The following TMEM132D variants were observed in gnomAD, a reference collection of about 807,000 sequenced individuals.
TMEM132D encodes the protein transmembrane protein 132D.
Under a neutral mutation model 62.3 loss-of-function variants are expected in TMEM132D, and 21 were observed. The ratio of observed to expected loss-of-function variants is 0.34; its 90% CI spans 0.24 to 0.49. The LOEUF (loss-of-function observed/expected upper bound fraction) is 0.49, where lower values mean the gene tolerates loss of function less well. Ranked by LOEUF, TMEM132D falls within the 20% of genes least tolerant of loss-of-function variation. The pLI, the probability that TMEM132D is intolerant of heterozygous loss-of-function variation, is 0.99. For missense variants in TMEM132D, 1,346 were observed against 1,402.8 expected, an observed-to-expected ratio of 0.96 and a Z score of 0.65; for synonymous variants, 621 against 575.6, an observed-to-expected ratio of 1.08 and a Z score of -1.13.
chr12:129,825,417 G>A lies in TMEM132D; in HGVS notation c.79+77844C>T, dbSNP rs78655858. 6.4e-3 allele frequency among the ~76,000 whole-genome samples: 981 copies of A among 152,208 alleles called. 12 individuals carry two copies. The highest frequency in any genetic ancestry group is 0.022 in the African/African-American group (917 of 41,534). On this transcript the variant is annotated intron_variant, in intron 1 of 8. Transcript: ENST00000422113. The stretch of plus-strand genomic sequence containing the variant: ...GGCAGTGCACTCTGCTGCCTCCACC[G>A]CTGCTATCCCTCATTTACTCATCAA...
intron 1 of TMEM132D, among the ~76,000 whole-genome samples, chr12:129,876,552 A>C (rs1453953839): frequency 6.6e-6 from 1 of 152,220 alleles, no homozygotes; most frequent in Non-Finnish European, 1.5e-5. Context: ...TTGCTTAAAG[A>C]AAAACAAGAG....
chr12:129,605,277 G>A (rs1393625481), intron 2 of TMEM132D, among the ~76,000 whole-genome samples: 1 of 152,024 alleles, frequency 6.6e-6, no homozygotes, highest in African/African-American at 2.4e-5. Context: ...GGGGACATTA[G>A]TTTTACCACG....
chr12:129,617,830 C>A (rs1878962016), intron 2 of TMEM132D, among the ~76,000 whole-genome samples: 1 of 152,146 alleles, frequency 6.6e-6, no homozygotes, highest in Admixed American at 6.5e-5. Context: ...AATCACCTCC[C>A]AGGGGCCCCG....
intron 2 of TMEM132D, among the ~76,000 whole-genome samples, chr12:129,540,282 G>A (rs973462396): frequency 6.6e-6 from 1 of 152,012 alleles, no homozygotes; most frequent in Non-Finnish European, 1.5e-5. Flanking sequence ...AGGGAGAAGG[G>A]GCTGCACACC....
rs761892015 is a variant in TMEM132D at position 129,524,920 on chromosome 12, C to CTTTTTTTTTTTTT, written c.1115+6138_1115+6139insAAAAAAAAAAAAA. The stretch of plus-strand genomic sequence containing the variant: ...CATTTTATTATTTTCATATTTTTTT[C>CTTTTTTTTTTTTT]TTTTTTCTTTTTTTTTTTTTTTTTG... On this transcript the variant is annotated intron_variant, in intron 3 of 8. Transcript: ENST00000422113. 2.6e-4 allele frequency among the ~76,000 whole-genome samples: 24 copies of CTTTTTTTTTTTTT among 92,160 alleles called. 3 individuals carry two copies. The highest frequency in any genetic ancestry group is 7.1e-4 in the African/African-American group (16 of 22,486). 60.5% of individuals were successfully genotyped at this position (92,160 alleles called of 152,430 possible).
At chr12:129,381,892 G>A (rs534317261) in intron 3 of TMEM132D, among the ~76,000 whole-genome samples, 4 of 152,148 alleles carry the variant, frequency 2.6e-5, no homozygotes, top group East Asian at 1.9e-4. Context: ...CCACTTCCTC[G>A]GCTTCTGAAA....
rs1472309869 is a variant in TMEM132D, at chr12:129,903,008, G to A, written c.79+253C>T. Among the ~76,000 whole-genome samples, 17 of 152,152 alleles carry A rather than the reference G, an allele frequency of 1.1e-4. No individual in the cohort carries two copies. The highest frequency in any genetic ancestry group is 2.9e-5 in the Non-Finnish European group (2 of 68,008). On this transcript the variant is annotated intron_variant, in intron 1 of 8. Coordinates refer to ENST00000422113, the MANE Select transcript of TMEM132D (RefSeq NM_133448.3). The surrounding 1 kb of genome is among the most constrained non-coding windows in gnomAD (Gnocchi z 6.2). ...AGGAAACAGCCTTCCTTTCCTTTCG[G>A]CTCCTTAGTAGTCTCACCTAAGGCC...
chr12:129,753,070 C>G (rs952696977), intron 1 of TMEM132D, among the ~76,000 whole-genome samples: 8 of 152,116 alleles, frequency 5.3e-5, no homozygotes, highest in African/African-American at 1.9e-4. Context: ...CTTTCAAGAC[C>G]AAAAGTCATG....
At chr12:129,367,646 G>A (rs1278871649) in intron 3 of TMEM132D, among the ~76,000 whole-genome samples, 1 of 152,178 alleles carries the variant, frequency 6.6e-6, no homozygotes, top group Non-Finnish European at 1.5e-5. Flanking sequence ...GTGGTAGCCA[G>A]AGGCAGAGAG....
chr12:129,256,757 G>T (rs1880411747), intron 4 of TMEM132D, among the ~76,000 whole-genome samples: 1 of 152,062 alleles, frequency 6.6e-6, no homozygotes, highest in East Asian at 1.9e-4. Flanking sequence ...GGGTTTCACT[G>T]TGTTGGCCAG....
chr12:129,446,248 G>A (rs2135723849), intron 3 of TMEM132D, among the ~76,000 whole-genome samples: 1 of 152,222 alleles, frequency 6.6e-6, no homozygotes, highest in South Asian at 2.1e-4. Context: ...ACACAGAAGG[G>A]GGCACTGTTA....
At chr12:129,784,105 C>T (rs1830428829) in intron 1 of TMEM132D, among the ~76,000 whole-genome samples, 1 of 152,150 alleles carries the variant, frequency 6.6e-6, no homozygotes, top group African/African-American at 2.4e-5. Flanking sequence ...CATTAACTAG[C>T]AAAGGCTTCA....
chr12:129,880,237 C>T (rs1324267259), intron 1 of TMEM132D, among the ~76,000 whole-genome samples: 1 of 152,128 alleles, frequency 6.6e-6, no homozygotes, highest in Non-Finnish European at 1.5e-5. Flanking sequence ...AAAGGAAAAT[C>T]ATCAACCCAG....
At chr12:129,543,109 A>AGATG (rs1876627390) in intron 2 of TMEM132D, among the ~76,000 whole-genome samples, 1 of 143,304 alleles carries the variant, frequency 7.0e-6, no homozygotes, top group Non-Finnish European at 1.5e-5. Context: ...AAAGATGGAT[A>AGATG]GATGGATAGA....
At chr12:129,785,970 C>T (rs1871238661) in intron 1 of TMEM132D, among the ~76,000 whole-genome samples, 1 of 152,154 alleles carries the variant, frequency 6.6e-6, no homozygotes, top group Non-Finnish European at 1.5e-5. Flanking sequence ...TTAACCAGCC[C>T]TCTTCCCTGT....
intron 5 of TMEM132D, among the ~76,000 whole-genome samples, chr12:129,102,305 C>T (rs1013972375): frequency 8.5e-5 from 13 of 152,194 alleles, no homozygotes; most frequent in African/African-American, 2.7e-4. Flanking sequence ...CACACATACA[C>T]ATGCACACAC....
At chr12:129,542,453 T>C (rs533556185) in intron 2 of TMEM132D, among the ~76,000 whole-genome samples, 1 of 145,052 alleles carries the variant, frequency 6.9e-6, no homozygotes, top group South Asian at 2.2e-4. Context: ...TTTTGGGAGG[T>C]TGTTAATTTT....
At chr12:129,077,834 ACAAG>A (rs1453972694) in intron 8 of TMEM132D, among the ~76,000 whole-genome samples, 7 of 152,114 alleles carry the variant, frequency 4.6e-5, no homozygotes, top group South Asian at 4.1e-4. Flanking sequence ...ACAACACAAA[ACAAG>A]CAACACAAAA....
intron 1 of TMEM132D, among the ~76,000 whole-genome samples, chr12:129,742,796 T>C (rs1050915883): frequency 3.3e-5 from 5 of 152,198 alleles, no homozygotes; most frequent in Non-Finnish European, 5.9e-5. Flanking sequence ...TCTGTGGCTC[T>C]GTTGATTGGC....
Sources: gnomAD v4.1 joint callset for allele counts (sites outside exome capture counted in the v4.1 genomes callset) on GRCh38, gnomAD v4.1.1 for gene constraint, Gnocchi (gnomAD v3.1) non-coding constraint, MANE v1.5 for transcripts, NCBI Gene and HGNC (gene_info 2026-07-23, HGNC 2026-07-21) for gene names.